The following RIMS3 variants were observed in gnomAD, a reference collection of about 807,000 sequenced individuals.
The protein encoded by RIMS3 is regulating synaptic membrane exocytosis 3.
Under a neutral mutation model 29.2 loss-of-function variants are expected in RIMS3, and 15 were observed. That is an observed-to-expected ratio of 0.51 (90% confidence interval 0.34 to 0.79). RIMS3 has a LOEUF of 0.79. Ranked by LOEUF, RIMS3 falls within the 30% of genes least tolerant of loss-of-function variation. The pLI is 0.01. For missense variants in RIMS3, 342 were observed against 421.4 expected, an observed-to-expected ratio of 0.81 and a Z score of 1.65; for synonymous variants, 161 against 170.1, an observed-to-expected ratio of 0.95 and a Z score of 0.41.
intron 1 of RIMS3, among the ~76,000 whole-genome samples, chr1:40,665,088 C>T (rs892610601): frequency 1.3e-5 from 2 of 152,162 alleles, no homozygotes; most frequent in Non-Finnish European, 2.9e-5. Context: ...CCAAAAATGC[C>T]ATGCCAGGCA....
At chr1:40,674,218 G>A in the RIMS3 span, among the ~76,000 whole-genome samples, 9 of 152,290 alleles carry the variant, frequency 5.9e-5, no homozygotes, top group Admixed American at 1.3e-4. Context: ...CAAGCATTAC[G>A]ACATGTCTGC....
chr1:40,669,765 G>A (rs1400052273), upstream of RIMS3, among the ~76,000 whole-genome samples: 2 of 152,200 alleles, frequency 1.3e-5, no homozygotes, highest in African/African-American at 2.4e-5. Context: ...GAGTTTGGGT[G>A]CAAAGATTTT....
rs1042127952 is a variant in RIMS3 at position 40,649,577 on chromosome 1, G to T, written c.-206-1735C>A. ...AGCAGGTGTGTGCGAGCTTGAACAC[G>T]TGCACAAGGTGTGTGCAAGCTTGAA... On this transcript the variant is annotated intron_variant, in intron 1 of 7. Transcript: ENST00000372684. 3.3e-5 allele frequency among the ~76,000 whole-genome samples: 5 copies of T among 152,212 alleles called. No individual in the cohort carries two copies. The East Asian group carries it at 9.6e-4, about 29-fold the overall frequency.
intron 1 of RIMS3, among the ~76,000 whole-genome samples, chr1:40,651,103 A>G (rs1646629552): frequency 6.6e-6 from 1 of 152,232 alleles, no homozygotes; most frequent in South Asian, 2.1e-4. Flanking sequence ...CCTGTGTGTT[A>G]TAAGTTGAGT....
chr1:40,684,994 T>G, the RIMS3 span, among the ~76,000 whole-genome samples: 1 of 152,130 alleles, frequency 6.6e-6, no homozygotes, highest in Admixed American at 6.5e-5. Context: ...CTGTGAGACC[T>G]CGCTTAGATT....
At chr1:40,686,206 G>A in the RIMS3 span, among the ~76,000 whole-genome samples, 3 of 152,070 alleles carry the variant, frequency 2.0e-5, no homozygotes, top group African/African-American at 4.8e-5. Context: ...TATTCAGCAG[G>A]CAAGACAACA....
At chr1:40,691,627 G>A in the RIMS3 span, 2 of 406,612 alleles carry the variant, frequency 4.9e-6, no homozygotes, top group Non-Finnish European at 5.0e-6. Context: ...GAGACCTCAA[G>A]GAGCACAGCT....
intron 2 of RIMS3, among the ~76,000 whole-genome samples, chr1:40,645,096 T>G (rs1016804229): frequency 6.6e-6 from 1 of 152,208 alleles, no homozygotes; most frequent in Non-Finnish European, 1.5e-5. Context: ...CCCTGTGACG[T>G]GTGCAGAGTC....
At chr1:40,684,233 T>G in the RIMS3 span, among the ~76,000 whole-genome samples, 2 of 152,198 alleles carry the variant, frequency 1.3e-5, no homozygotes, top group African/African-American at 2.4e-5. Flanking sequence ...TTACACATAT[T>G]GGGGAAAGTT....
In RIMS3 at chr1:40,641,727, G is replaced by A. The variant is rs1646558789; in HGVS notation, c.199C>T (p.Leu67Phe). 3 of 1,614,166 alleles carry A rather than the reference G, an allele frequency of 1.9e-6. No individual in the cohort carries two copies. The highest frequency in any genetic ancestry group is 2.5e-6 in the Non-Finnish European group (3 of 1,180,006). ...VGLTQWSKST[L>F]QLPQPEGATK... is the part of the protein sequence containing the mutation. ...CCCTCACCAGGCTGCGGAAGCTGGA[G>A]TGTGCTCTTGCTCCACTGAGTCAGG... is the stretch of plus-strand genomic sequence containing the variant. Residue 67 changes from leucine (L) to phenylalanine (F), a missense_variant, in exon 3 of 8, where the codon CTC becomes TTC. Transcript: ENST00000372684.
rs1287002327 is a variant in RIMS3, at chr1:40,625,689, G to C, written c.*828C>G. The C allele has an allele frequency of 6.6e-6, 1 of 152,488 alleles. No individual in the cohort carries two copies. The highest frequency in any genetic ancestry group is 1.5e-5 in the Non-Finnish European group (1 of 68,190). The allele number at this position is 152,488 out of a possible 1,614,324, so 9.4% of individuals were successfully genotyped here. On this transcript the variant is annotated 3_prime_UTR_variant, in exon 8 of 8. Transcript: ENST00000372684. ...CCAGGCCCACTGGCAGAGCTCCTTC[G>C]GCACGGTGGAGTGGGGAGGCTTGAA... is the stretch of plus-strand genomic sequence containing the variant.
At chr1:40,630,190 A>G (rs1055510792) in intron 5 of RIMS3, among the ~76,000 whole-genome samples, 2 of 152,180 alleles carry the variant, frequency 1.3e-5, no homozygotes, top group African/African-American at 4.8e-5. Context: ...CTACTACTGC[A>G]TTACCAGTGG....
At chr1:40,685,325 TATATA>T in the RIMS3 span, among the ~76,000 whole-genome samples, 218 of 18,214 alleles carry the variant, frequency 0.012, 2 homozygotes, top group South Asian at 0.11. Context: ...TAATTATTAA[TATATA>T]ATATAATTAT....
At chr1:40,652,995 G>A (rs1282680734) in intron 1 of RIMS3, among the ~76,000 whole-genome samples, 1 of 152,144 alleles carries the variant, frequency 6.6e-6, no homozygotes, top group Non-Finnish European at 1.5e-5. Flanking sequence ...GAAATCCAAG[G>A]TGATTTACAG....
chr1:40,639,969 A>G (rs1469008926), intron 3 of RIMS3, among the ~76,000 whole-genome samples: 3 of 152,198 alleles, frequency 2.0e-5, no homozygotes, highest in Non-Finnish European at 4.4e-5. Context: ...TCTTCCTGGT[A>G]TCTGCTCCAA....
chr1:40,650,856 ACT>A (rs1040813686), intron 1 of RIMS3, among the ~76,000 whole-genome samples: 4 of 92,246 alleles, frequency 4.3e-5, no homozygotes, highest in East Asian at 6.6e-4. Flanking sequence ...ACAGAGCCAG[ACT>A]CTGTCAAAAA....
At chr1:40,642,422 T>C (rs664350) in intron 2 of RIMS3, among the ~76,000 whole-genome samples, 21,445 of 152,112 alleles carry the variant, frequency 0.14, 1,721 homozygotes, top group African/African-American at 0.21. Context: ...TGGTTATTAT[T>C]TTCATAGCAA....
At chr1:40,644,716 AG>A (rs1646583032) in intron 2 of RIMS3, among the ~76,000 whole-genome samples, 1 of 152,208 alleles carries the variant, frequency 6.6e-6, no homozygotes, top group East Asian at 1.9e-4. Context: ...CTGCTCAGGA[AG>A]AACCCAACAA....
chr1:40,683,387 G>C, the RIMS3 span, among the ~76,000 whole-genome samples: 1 of 152,228 alleles, frequency 6.6e-6, no homozygotes, highest in Non-Finnish European at 1.5e-5. Context: ...GAATGGGTTA[G>C]TTATGGAGGG....
Sources: allele counts gnomAD v4.1 joint callset (sites outside exome capture counted in the v4.1 genomes callset), GRCh38; gene constraint gnomAD v4.1.1; transcripts MANE v1.5; gene names NCBI Gene and HGNC (gene_info 2026-07-23, HGNC 2026-07-21).